Variants in PABPC4L observed in about 807,000 individuals in gnomAD.
The protein encoded by PABPC4L is polyadenylate-binding protein 4-like.
For synonymous variants in PABPC4L, 169 were observed against 164.1 expected, an observed-to-expected ratio of 1.03 and a Z score of -0.23; for missense variants, 452 against 451.4, an observed-to-expected ratio of 1.00 and a Z score of -0.01.
At chr4:133,969,079 ATCTC>A in the PABPC4L span, among the ~76,000 whole-genome samples, 7 of 151,640 alleles carry the variant, frequency 4.6e-5, no homozygotes, top group Admixed American at 1.3e-4. Flanking sequence ...ATAAATTCAA[ATCTC>A]TCTCTCTCTG....
chr4:134,130,675 C>A, the PABPC4L span, among the ~76,000 whole-genome samples: 2 of 151,950 alleles, frequency 1.3e-5, no homozygotes, highest in Admixed American at 1.3e-4. Flanking sequence ...CTAAATCATT[C>A]TATGAAGTAT....
At chr4:133,982,952 T>C in the PABPC4L span, among the ~76,000 whole-genome samples, 4 of 151,962 alleles carry the variant, frequency 2.6e-5, no homozygotes, top group Non-Finnish European at 5.9e-5. Context: ...ATATGAACAT[T>C]TTTAAACTGT....
chr4:134,027,447 A>G, the PABPC4L span, among the ~76,000 whole-genome samples: 1 of 152,146 alleles, frequency 6.6e-6, no homozygotes. Flanking sequence ...TCCATTGTGT[A>G]TATATACTAC....
At chr4:134,144,060 G>A in the PABPC4L span, among the ~76,000 whole-genome samples, 4 of 151,526 alleles carry the variant, frequency 2.6e-5, no homozygotes, top group African/African-American at 9.7e-5. Context: ...GGCTGAAATA[G>A]TACAAGATTT....
chr4:134,012,299 T>G, the PABPC4L span, among the ~76,000 whole-genome samples: 1 of 152,140 alleles, frequency 6.6e-6, no homozygotes, highest in Non-Finnish European at 1.5e-5. Flanking sequence ...ACTTAACTGA[T>G]GACATTCCAC....
chr4:134,055,789 T>TAG, the PABPC4L span, among the ~76,000 whole-genome samples: 1 of 151,964 alleles, frequency 6.6e-6, no homozygotes, highest in South Asian at 2.1e-4. Flanking sequence ...TTCATCTTAA[T>TAG]AGAGTGTTTT....
At chr4:134,100,925 T>C in the PABPC4L span, among the ~76,000 whole-genome samples, 1 of 151,618 alleles carries the variant, frequency 6.6e-6, no homozygotes, top group African/African-American at 2.4e-5. Context: ...AATAAAGATA[T>C]AAAATAATAA....
At chr4:133,963,748 G>A in the PABPC4L span, among the ~76,000 whole-genome samples, 1 of 151,882 alleles carries the variant, frequency 6.6e-6, no homozygotes, top group Admixed American at 6.6e-5. Flanking sequence ...ATGAAATCAA[G>A]ATGAAAATTT....
chr4:134,051,495 A>AT, the PABPC4L span, among the ~76,000 whole-genome samples: 4 of 152,168 alleles, frequency 2.6e-5, no homozygotes, highest in African/African-American at 9.7e-5. Context: ...TCCACTGCCA[A>AT]TTGAGCATTC....
At chr4:134,016,233 A>C in the PABPC4L span, among the ~76,000 whole-genome samples, 2 of 152,098 alleles carry the variant, frequency 1.3e-5, no homozygotes, top group Non-Finnish European at 2.9e-5. Context: ...AGCTGAACTC[A>C]TTGCCTTAAG....
the PABPC4L span, among the ~76,000 whole-genome samples, chr4:133,964,705 A>G: frequency 9.2e-5 from 14 of 152,164 alleles, no homozygotes; most frequent in Admixed American, 3.9e-4. Flanking sequence ...AAACAGAATT[A>G]AAAACAAAAA....
chr4:134,113,010 CA>C, the PABPC4L span, among the ~76,000 whole-genome samples: 1 of 150,412 alleles, frequency 6.6e-6, no homozygotes, highest in African/African-American at 2.4e-5. Context: ...TAGTTTTTAA[CA>C]AAAAAGTTTA....
the PABPC4L span, among the ~76,000 whole-genome samples, chr4:134,006,902 A>C: frequency 1.8e-5 from 2 of 108,776 alleles, no homozygotes; most frequent in Admixed American, 1.8e-4. Context: ...GCAATGATGC[A>C]AAAAAAAAAT....
At chr4:133,992,990 G>A in the PABPC4L span, among the ~76,000 whole-genome samples, 16 of 152,004 alleles carry the variant, frequency 1.1e-4, no homozygotes, top group Non-Finnish European at 1.5e-4. Context: ...CATCGTGCTG[G>A]AATCCAAGGA....
chr4:133,992,167 G>C, the PABPC4L span, among the ~76,000 whole-genome samples: 1 of 152,186 alleles, frequency 6.6e-6, no homozygotes, highest in Admixed American at 6.5e-5. Flanking sequence ...TGTGATCAAA[G>C]CCACGATGGA....
chr4:133,959,305 G>A, the PABPC4L span, among the ~76,000 whole-genome samples: 1 of 152,144 alleles, frequency 6.6e-6, no homozygotes, highest in African/African-American at 2.4e-5. Flanking sequence ...AGCAATGAAG[G>A]AAAATCAAAG....
the PABPC4L span, among the ~76,000 whole-genome samples, chr4:134,123,944 G>A: frequency 6.6e-6 from 1 of 152,034 alleles, no homozygotes; most frequent in Non-Finnish European, 1.5e-5. Flanking sequence ...ACACACTAAT[G>A]GGAATTTTGT....
At chr4:134,063,263 G>A in the PABPC4L span, among the ~76,000 whole-genome samples, 4 of 152,020 alleles carry the variant, frequency 2.6e-5, no homozygotes, top group African/African-American at 4.8e-5. Flanking sequence ...TCTAATAGAC[G>A]TGTTGGTTTG....
At chr4:133,999,495 T>C in the PABPC4L span, among the ~76,000 whole-genome samples, 13 of 152,258 alleles carry the variant, frequency 8.5e-5, no homozygotes, top group African/African-American at 2.6e-4. Context: ...TGACACAAAA[T>C]ATATATTTTA....
Sources: gnomAD v4.1 joint callset for allele counts (sites outside exome capture counted in the v4.1 genomes callset) on GRCh38, gnomAD v4.1.1 for gene constraint, MANE v1.5 for transcripts, NCBI Gene and HGNC (gene_info 2026-07-23, HGNC 2026-07-21) for gene names.